The following MAGI3 variants were observed in gnomAD, a reference collection of about 807,000 sequenced individuals.
MAGI3 encodes the protein membrane-associated guanylate kinase, WW and PDZ domain-containing protein 3.
In MAGI3, 43 loss-of-function variants were observed where a neutral mutation model predicts 121.8. The ratio of observed to expected loss-of-function variants is 0.35; its 90% confidence interval spans 0.28 to 0.46. The LOEUF is 0.46. Ranked by LOEUF, MAGI3 falls within the 20% of genes least tolerant of loss-of-function variation. The pLI is 1.00. For missense variants in MAGI3, 1,547 were observed against 1,797.3 expected, an observed-to-expected ratio of 0.86 and a Z score of 2.52; for synonymous variants, 553 against 639.3, an observed-to-expected ratio of 0.86 and a Z score of 2.04.
At chr1:113,413,555 G>A (rs547044209) in intron 1 of MAGI3, among the ~76,000 whole-genome samples, 14 of 151,900 alleles carry the variant, frequency 9.2e-5, no homozygotes, top group Admixed American at 3.3e-4. Flanking sequence ...TAATTTCATC[G>A]AGCAGTGGTT....
At chr1:113,583,374 C>G (rs950092481) in intron 3 of MAGI3, among the ~76,000 whole-genome samples, 1 of 151,810 alleles carries the variant, frequency 6.6e-6, no homozygotes, top group Non-Finnish European at 1.5e-5. Context: ...AAGGAAACTG[C>G]CCAAAATTAT....
At chr1:113,607,166 A>G (rs1649824451) in intron 6 of MAGI3, among the ~76,000 whole-genome samples, 1 of 152,174 alleles carries the variant, frequency 6.6e-6, no homozygotes, top group South Asian at 2.1e-4. Flanking sequence ...GGTACCCAGT[A>G]GAAAATATTA....
In MAGI3 at chr1:113,516,390, CAAA is replaced by C. The variant is rs60186333; in HGVS notation, c.317-33103_317-33101del. Among the ~76,000 whole-genome samples, 158 of 71,012 alleles carry C rather than the reference CAAA, an allele frequency of 2.2e-3. No homozygotes were observed. The Middle Eastern group carries it at 0.03, about 13-fold the overall frequency. The allele number at this position is 71,012 out of a possible 152,430, so 46.6% of individuals were successfully genotyped here. ...GTGCCAGAAACTAAGGAAGTTCTCACAAAAAAAAAAAAAAAAAAAAAAAAGACA... is the reference window on the plus strand; with the variant it reads ...GTGCCAGAAACTAAGGAAGTTCTCACAAAAAAAAAAAAAAAAAAAAAGACA... On this transcript the variant is annotated intron_variant, in intron 1 of 20. Coordinates refer to ENST00000307546, the MANE Select transcript of MAGI3 (RefSeq NM_001142782.2).
chr1:113,554,864 G>A (rs1659924942), intron 2 of MAGI3, among the ~76,000 whole-genome samples: 3 of 152,140 alleles, frequency 2.0e-5, no homozygotes, highest in Non-Finnish European at 4.4e-5. Flanking sequence ...GCTGGCATGT[G>A]CCTGTAATCT....
chr1:113,648,173 G>A (rs190403375), intron 12 of MAGI3, among the ~76,000 whole-genome samples: 6 of 151,868 alleles, frequency 4.0e-5, no homozygotes, highest in Admixed American at 2.6e-4. Context: ...CGCCCACCTC[G>A]GCCTCCCAAA....
chr1:113,413,695 A>G (rs538840116), intron 1 of MAGI3, among the ~76,000 whole-genome samples: 24 of 152,266 alleles, frequency 1.6e-4, no homozygotes, highest in African/African-American at 5.5e-4. Flanking sequence ...TTAATGGTGT[A>G]TAGGAATGCC....
intron 1 of MAGI3, among the ~76,000 whole-genome samples, chr1:113,421,478 G>A (rs1184999821): frequency 1.3e-5 from 2 of 152,182 alleles, no homozygotes; most frequent in African/African-American, 4.8e-5. Context: ...ACTCTAAACC[G>A]AGGTTTCATA....
intron 3 of MAGI3, 108 bp downstream of exon 3, chr1:113,580,769 TC>T (rs1647971290): frequency 9.0e-7 from 1 of 1,111,708 alleles, no homozygotes; most frequent in Admixed American, 3.3e-5. Flanking sequence ...AAACTTTTTT[TC>T]CTCTCTGTTT....
At chr1:113,619,585 C>G (rs1650694069) in intron 7 of MAGI3, 151 bp from the exon 8 acceptor site, 1 of 501,006 alleles carries the variant, frequency 2.0e-6, no homozygotes, top group African/African-American at 2.0e-5. Context: ...GAAAGCCCCT[C>G]TGCTATCATC....
chr1:113,559,181 A>G (rs1386710552), intron 2 of MAGI3, among the ~76,000 whole-genome samples: 2 of 152,250 alleles, frequency 1.3e-5, no homozygotes, highest in African/African-American at 4.8e-5. Context: ...TCATGATGAC[A>G]GGATCAAATC....
intron 6 of MAGI3, among the ~76,000 whole-genome samples, chr1:113,604,588 AAAAAAAAGAG>A (rs1248383300): frequency 1.3e-5 from 2 of 150,340 alleles, no homozygotes; most frequent in African/African-American, 4.9e-5. Flanking sequence ...AAAAAAAAAA[AAAAAAAAGAG>A]AAGAAAGAAA....
chr1:113,503,219 T>TAAA (rs869272201), intron 1 of MAGI3, among the ~76,000 whole-genome samples: 3 of 8,996 alleles, frequency 3.3e-4, no homozygotes, highest in Non-Finnish European at 4.7e-4. Flanking sequence ...AGAGTATAAT[T>TAAA]AAAAAAAAAA....
intron 8 of MAGI3, among the ~76,000 whole-genome samples, chr1:113,622,239 A>C (rs1332578628): frequency 6.6e-6 from 1 of 152,154 alleles, no homozygotes; most frequent in African/African-American, 2.4e-5. Context: ...AATGGCAGGC[A>C]TGGTTGAGGA....
chr1:113,639,032 C>T (rs560658685), intron 9 of MAGI3, among the ~76,000 whole-genome samples: 220 of 152,340 alleles, frequency 1.4e-3, no homozygotes, highest in Non-Finnish European at 2.0e-3. Flanking sequence ...TAGGACCCTC[C>T]GAGCCAGGTG....
intron 2 of MAGI3, among the ~76,000 whole-genome samples, chr1:113,550,768 AAG>A (rs1442918196): frequency 2.0e-5 from 3 of 150,972 alleles, no homozygotes; most frequent in Non-Finnish European, 1.5e-5. Flanking sequence ...AAAAAAAAAA[AAG>A]AAAAAAACGA....
intron 1 of MAGI3, among the ~76,000 whole-genome samples, chr1:113,482,907 G>C (rs1304497019): frequency 6.6e-6 from 1 of 151,712 alleles, no homozygotes; most frequent in Admixed American, 6.6e-5. Flanking sequence ...CTGGGCTCAA[G>C]CCATCCTCCC....
At chr1:113,631,189 A>G (rs185826500) in intron 9 of MAGI3, among the ~76,000 whole-genome samples, 1 of 152,200 alleles carries the variant, frequency 6.6e-6, no homozygotes, top group Admixed American at 6.5e-5. Flanking sequence ...TGCAGGGAGG[A>G]TGGGGGAGTG....
At chr1:113,503,991 TG>T (rs1434188777) in intron 1 of MAGI3, among the ~76,000 whole-genome samples, 1 of 152,092 alleles carries the variant, frequency 6.6e-6, no homozygotes, top group African/African-American at 2.4e-5. Context: ...CAAATTTCTA[TG>T]AAAAGTATAT....
chr1:113,534,930 T>G (rs1658895987), intron 1 of MAGI3, among the ~76,000 whole-genome samples: 1 of 152,206 alleles, frequency 6.6e-6, no homozygotes, highest in Non-Finnish European at 1.5e-5. Context: ...TAAATTGCCT[T>G]AAATCACCAT....
Sources: allele counts gnomAD v4.1 joint callset (sites outside exome capture counted in the v4.1 genomes callset), GRCh38; gene constraint gnomAD v4.1.1; transcripts MANE v1.5; gene names NCBI Gene and HGNC (gene_info 2026-07-23, HGNC 2026-07-21).